NIBAN1: variants seen among roughly 807,000 people sequenced by gnomAD.
NIBAN1 encodes the protein protein Niban 1.
In NIBAN1, 81 loss-of-function variants were observed where a neutral mutation model predicts 75.1. The observed-to-expected ratio is 1.08, with a 90% confidence interval of 0.90 to 1.30. The LOEUF is 1.30. NIBAN1 is among the 50% of genes most tolerant of loss of function. The pLI, the probability that NIBAN1 is intolerant of heterozygous loss-of-function variation, is 0.00. For missense variants in NIBAN1, 1,133 were observed against 1,128.1 expected (o/e 1.00, Z -0.06); for synonymous variants, 436 against 424.8 (o/e 1.03, Z -0.32).
At chr1:184,882,489 A>G (rs1294212814) in intron 5 of NIBAN1, among the ~76,000 whole-genome samples, 2 of 152,236 alleles carry the variant, frequency 1.3e-5, no homozygotes, top group Non-Finnish European at 2.9e-5. Context: ...TTAAGTCCAC[A>G]TAAAGCCTCA....
intron 6 of NIBAN1, among the ~76,000 whole-genome samples, chr1:184,830,193 A>T (rs1206634128): frequency 6.6e-6 from 1 of 152,236 alleles, no homozygotes; most frequent in Non-Finnish European, 1.5e-5. Context: ...ATCTCATAAG[A>T]TTGGCAAGAC....
At chr1:184,893,108 G>A (rs539063054) in intron 3 of NIBAN1, among the ~76,000 whole-genome samples, 1 of 152,150 alleles carries the variant, frequency 6.6e-6, no homozygotes, top group Non-Finnish European at 1.5e-5. Flanking sequence ...CCAGAGAGCA[G>A]AGTTTTAAAT....
intron 1 of NIBAN1, among the ~76,000 whole-genome samples, chr1:184,922,125 T>C (rs1179313512): frequency 4.6e-5 from 7 of 152,146 alleles, no homozygotes; most frequent in Non-Finnish European, 1.0e-4. Flanking sequence ...TGTGGGTCCA[T>C]AGTAGGTATA....
At chr1:184,955,125 T>G (rs1411044080) in intron 1 of NIBAN1, among the ~76,000 whole-genome samples, 1 of 152,156 alleles carries the variant, frequency 6.6e-6, no homozygotes, top group Non-Finnish European at 1.5e-5. Flanking sequence ...AGTTTTGTAT[T>G]AAATAATATT....
intron 10 of NIBAN1, among the ~76,000 whole-genome samples, chr1:184,806,640 T>A (rs1307480102): frequency 6.6e-6 from 1 of 152,002 alleles, no homozygotes; most frequent in Non-Finnish European, 1.5e-5. Context: ...TCCTCTTTCA[T>A]CCCTCACAAC....
chr1:184,842,318 T>C (rs1655308762), intron 5 of NIBAN1, among the ~76,000 whole-genome samples: 1 of 152,242 alleles, frequency 6.6e-6, no homozygotes, highest in South Asian at 2.1e-4. Context: ...CCAGAGTTTC[T>C]GATTCAATAG....
intron 1 of NIBAN1, among the ~76,000 whole-genome samples, chr1:184,919,181 T>C (rs1450842885): frequency 1.3e-5 from 2 of 152,198 alleles, no homozygotes; most frequent in African/African-American, 4.8e-5. Context: ...GTGAGACACA[T>C]TGAAAACAAA....
intron 11 of NIBAN1, 151 bp downstream of exon 11, chr1:184,805,795 A>G (rs1654179622): frequency 7.9e-6 from 5 of 633,242 alleles, no homozygotes; most frequent in Non-Finnish European, 1.4e-5. Context: ...CACTGGAGAA[A>G]CTGCAGCGGA....
chr1:184,812,953 C>T (rs1046903142), intron 9 of NIBAN1, among the ~76,000 whole-genome samples: 2 of 152,176 alleles, frequency 1.3e-5, no homozygotes, highest in Non-Finnish European at 2.9e-5. Flanking sequence ...GTTCAAAAGC[C>T]AGAAACATCA....
At chr1:184,797,687 C>T (rs1055693036) in intron 13 of NIBAN1, among the ~76,000 whole-genome samples, 1 of 152,162 alleles carries the variant, frequency 6.6e-6, no homozygotes, top group Non-Finnish European at 1.5e-5. Flanking sequence ...AGTTACAAGC[C>T]TGTGCCTAAG....
chr1:184,891,196 T>C (rs896818321), intron 3 of NIBAN1, among the ~76,000 whole-genome samples: 1 of 152,118 alleles, frequency 6.6e-6, no homozygotes, highest in African/African-American at 2.4e-5. Flanking sequence ...TGCTTAAGCA[T>C]GTGAGGGAAC....
chr1:184,969,230 C>G (rs750146584), intron 1 of NIBAN1, among the ~76,000 whole-genome samples: 1 of 152,138 alleles, frequency 6.6e-6, no homozygotes, highest in Non-Finnish European at 1.5e-5. Context: ...TATTCCAATT[C>G]AAAGGGGATT....
At position 184,793,662 on chromosome 1, in the gene NIBAN1, A is replaced by G. The variant is rs1028260069; in HGVS notation, c.*1315T>C. On this transcript the variant is annotated 3_prime_UTR_variant, in exon 14 of 14. Transcript: ENST00000367511. Reference sequence around the variant, plus strand: ...ATCTGGTATTTTTCTGAAGGAGAAAAGAACAACTCCTTTTAATCTTTTGGA... The same window carrying G: ...ATCTGGTATTTTTCTGAAGGAGAAAGGAACAACTCCTTTTAATCTTTTGGA... 6.6e-6 allele frequency: 1 copy of G among 152,266 alleles called. No homozygotes were observed. The allele number at this position is 152,266 out of a possible 1,614,324, so 9.4% of individuals were successfully genotyped here.
chr1:184,843,978 T>C (rs1412520420), intron 5 of NIBAN1, among the ~76,000 whole-genome samples: 1 of 152,218 alleles, frequency 6.6e-6, no homozygotes, highest in African/African-American at 2.4e-5. Context: ...CAGGCAAGTT[T>C]ACTACACAAC....
At chr1:184,951,776 T>G (rs234093) in intron 1 of NIBAN1, among the ~76,000 whole-genome samples, 129,762 of 151,984 alleles carry the variant, frequency 0.85, 55,851 homozygotes, top group African/African-American at 0.97. Context: ...TCCCCATGGC[T>G]TCTCTTCTTA....
chr1:184,938,023 G>A (rs1382045690), intron 1 of NIBAN1, among the ~76,000 whole-genome samples: 1 of 152,180 alleles, frequency 6.6e-6, no homozygotes, highest in Non-Finnish European at 1.5e-5. Context: ...GGAGGCAAAG[G>A]ATGAGGTGAT....
At chr1:184,856,318 G>A (rs1655674070) in intron 5 of NIBAN1, among the ~76,000 whole-genome samples, 1 of 152,098 alleles carries the variant, frequency 6.6e-6, no homozygotes, top group Non-Finnish European at 1.5e-5. Context: ...TTTGTAAAAT[G>A]GCAATCTTAT....
At chr1:184,813,213 C>T (rs1164248785) in intron 9 of NIBAN1, among the ~76,000 whole-genome samples, 1 of 152,026 alleles carries the variant, frequency 6.6e-6, no homozygotes, top group Non-Finnish European at 1.5e-5. Context: ...GTCTGTCTGT[C>T]TATGTAATTA....
At chr1:184,830,316 A>G (rs1034966674) in intron 6 of NIBAN1, among the ~76,000 whole-genome samples, 3 of 152,230 alleles carry the variant, frequency 2.0e-5, no homozygotes, top group African/African-American at 7.2e-5. Context: ...CAAGTGCTTC[A>G]GCCTCCCCTT....
Sources: allele counts gnomAD v4.1 joint callset (sites outside exome capture counted in the v4.1 genomes callset), GRCh38; gene constraint gnomAD v4.1.1; transcripts MANE v1.5; gene names NCBI Gene and HGNC (gene_info 2026-07-23, HGNC 2026-07-21).